Variants in ZMAT1 observed in about 807,000 individuals in gnomAD.
ZMAT1 encodes the protein zinc finger matrin-type 1.
In ZMAT1, 11 loss-of-function variants were observed where a neutral mutation model predicts 18.5. That is an observed-to-expected ratio of 0.59 (90% confidence interval 0.37 to 0.98). ZMAT1 has a LOEUF of 0.98. Ranked by LOEUF, ZMAT1 falls within the 50% of genes least tolerant of loss-of-function variation. The pLI is 0.01. For synonymous variants in ZMAT1, 211 were observed against 176.4 expected, an observed-to-expected ratio of 1.20 and a Z score of -1.55; for missense variants, 525 against 496.2, an observed-to-expected ratio of 1.06 and a Z score of -0.55.
At chrX:101,911,838 A>G in intron 1 of ZMAT1, 1 of 1,206,580 alleles carries the variant, frequency 8.3e-7, no homozygotes, top group Non-Finnish European at 1.1e-6. Flanking sequence ...TATCGGTGCA[A>G]TGAGTGTGGG....
At chrX:101,925,033 T>C (rs1274480889) in intron 1 of ZMAT1, among the ~76,000 whole-genome samples, 1 of 111,716 alleles carries the variant, frequency 9.0e-6, no homozygotes, top group Non-Finnish European at 1.9e-5. Context: ...AAACATAAAA[T>C]AAAATATTGA....
At chrX:101,926,190 T>G (rs1364768761) in intron 1 of ZMAT1, among the ~76,000 whole-genome samples, 2 of 112,140 alleles carry the variant, frequency 1.8e-5, no homozygotes, top group Non-Finnish European at 3.8e-5. Flanking sequence ...GGAGTACTAA[T>G]AGCTCACATT....
At position 101,920,610 on chromosome X, in the gene ZMAT1, GA is replaced by G. The variant is rs920235707; in HGVS notation, c.292+11106del. Among the ~76,000 whole-genome samples, 21 of 110,472 alleles carry G rather than the reference GA, an allele frequency of 1.9e-4. No homozygotes were observed. The Middle Eastern group carries it at 0.014, about 73-fold the overall frequency. The stretch of plus-strand genomic sequence containing the variant: ...TGAGTTCTGCAAGGAGAAAATAATG[GA>G]AAAAAAAGAAAAATTAAAATGTACT... On this transcript the variant is annotated intron_variant, in intron 1 of 5. Transcript: ENST00000651725.
At chrX:101,921,892 T>A (rs758198305) in intron 1 of ZMAT1, among the ~76,000 whole-genome samples, 1 of 111,653 alleles carries the variant, frequency 9.0e-6, no homozygotes. Context: ...GGTGGTCATA[T>A]CATACTGTTG....
chrX:101,884,858 T>C, intron 5 of ZMAT1, 37 bp from the exon 6 acceptor site: 2 of 796,726 alleles, frequency 2.5e-6, no homozygotes, highest in South Asian at 6.8e-5. Context: ...TATTAGATTA[T>C]TTTATTCTAA....
At chrX:101,913,798 C>T (rs2147652282) in intron 1 of ZMAT1, among the ~76,000 whole-genome samples, 1 of 111,817 alleles carries the variant, frequency 8.9e-6, no homozygotes, top group African/African-American at 3.2e-5. Context: ...GACAGAAAGT[C>T]AACAAAGAAA....
chrX:101,888,720 AT>A (rs1041642346), intron 4 of ZMAT1: 2 of 111,277 alleles, frequency 1.8e-5, no homozygotes, highest in Admixed American at 9.5e-5. Flanking sequence ...ACATTATGAG[AT>A]TTTTATGTGA....
intron 5 of ZMAT1, 68 bp downstream of exon 5, chrX:101,886,564 A>T: frequency 2.6e-6 from 2 of 761,995 alleles, no homozygotes; most frequent in Admixed American, 5.7e-5. Context: ...TGTAAAATAC[A>T]TCAAAGAGTG....
chrX:101,919,505 G>A (rs1331331133), intron 1 of ZMAT1, among the ~76,000 whole-genome samples: 2 of 111,520 alleles, frequency 1.8e-5, no homozygotes, highest in Non-Finnish European at 3.8e-5. Context: ...CCACATGTTG[G>A]AGATGACAAA....
chrX:101,898,250 A>T (rs1927971650), intron 2 of ZMAT1, 30 bp from the exon 3 acceptor site: 1 of 1,141,054 alleles, frequency 8.8e-7, no homozygotes, highest in African/African-American at 1.8e-5. Flanking sequence ...GACTTTGTTT[A>T]TTCAATAAAA....
intron 1 of ZMAT1, 68 bp from the exon 2 acceptor site, chrX:101,904,398 C>T (rs1284013868): frequency 9.9e-6 from 8 of 808,933 alleles, no homozygotes; most frequent in Non-Finnish European, 1.4e-5. Flanking sequence ...TTTTTCATTC[C>T]TCAACTATAT....
intron 1 of ZMAT1, among the ~76,000 whole-genome samples, chrX:101,922,023 ATATACT>A (rs199582817): frequency 0.014 from 1,551 of 111,257 alleles, 30 homozygotes; most frequent in African/African-American, 0.049. Flanking sequence ...CAGATCTAAT[ATATACT>A]TATATTTTTT....
chrX:101,888,505 C>T (rs1410167956), intron 4 of ZMAT1: 1 of 111,443 alleles, frequency 9.0e-6, no homozygotes. Flanking sequence ...GATGTTACAA[C>T]TCCATGTCAG....
chrX:101,886,986 A>T (rs1258439499), intron 4 of ZMAT1: 2 of 221,100 alleles, frequency 9.0e-6, no homozygotes, highest in African/African-American at 5.8e-5. Context: ...CTCTAGCTTA[A>T]CTTCTTCCCT....
At chrX:101,928,177 C>T (rs996944770) in intron 1 of ZMAT1, among the ~76,000 whole-genome samples, 20 of 111,365 alleles carry the variant, frequency 1.8e-4, no homozygotes, top group African/African-American at 6.5e-4. Context: ...AACTGCATTC[C>T]TTCCCTTATT....
intron 4 of ZMAT1, among the ~76,000 whole-genome samples, chrX:101,897,422 T>C (rs1412637393): frequency 2.9e-5 from 3 of 105,143 alleles, no homozygotes; most frequent in Admixed American, 2.0e-4. Context: ...CGCACCAGCA[T>C]GGCACATGTA....
chrX:101,886,923 C>T (rs1446813205), intron 4 of ZMAT1, 192 bp from the exon 5 acceptor site: 6 of 360,596 alleles, frequency 1.7e-5, no homozygotes, highest in Admixed American at 5.3e-5. Context: ...CCTCTCAGAG[C>T]CCACACCTCT....
chrX:101,891,585 C>T (rs1281776540), intron 4 of ZMAT1, among the ~76,000 whole-genome samples: 1 of 110,459 alleles, frequency 9.1e-6, no homozygotes, highest in Non-Finnish European at 1.9e-5. Flanking sequence ...TATGGGTGGG[C>T]ACAGGAATAG....
At chrX:101,911,629 T>C (rs1171056626) in intron 1 of ZMAT1, 13 of 1,195,751 alleles carry the variant, frequency 1.1e-5, no homozygotes, top group Non-Finnish European at 1.5e-5. Flanking sequence ...CACCAAACAT[T>C]AGCGAATCCA....
Sources: allele counts gnomAD v4.1 joint callset (sites outside exome capture counted in the v4.1 genomes callset), GRCh38; gene constraint gnomAD v4.1.1; transcripts MANE v1.5; gene names NCBI Gene and HGNC (gene_info 2026-07-23, HGNC 2026-07-21).